DIP2C: variants seen among roughly 807,000 people sequenced by gnomAD.
The protein encoded by DIP2C is DIP2 acetate--CoA ligase C (putative), also known as disco-interacting protein 2 homolog C.
In DIP2C, 33 loss-of-function variants were observed where a neutral mutation model predicts 192.4. The ratio of observed to expected loss-of-function variants is 0.17; its 90% CI spans 0.13 to 0.23. The LOEUF (loss-of-function observed/expected upper bound fraction) is 0.23. Ranked by LOEUF, DIP2C falls within the 10% of genes least tolerant of loss-of-function variation. The pLI, the probability that DIP2C is intolerant of heterozygous loss-of-function variation, is 1.00. For synonymous variants in DIP2C, 979 were observed against 864.1 expected, an observed-to-expected ratio of 1.13 and a Z score of -2.33; for missense variants, 1,537 against 2,110.1, an observed-to-expected ratio of 0.73 and a Z score of 5.32.
At chr10:537,695 T>C (rs1401902534) in intron 1 of DIP2C, among the ~76,000 whole-genome samples, 1 of 152,148 alleles carries the variant, frequency 6.6e-6, no homozygotes, top group Admixed American at 6.5e-5. Context: ...AGACACAGGC[T>C]GGTAAGTCAA....
At chr10:447,744 G>A (rs1416416732) in intron 3 of DIP2C, among the ~76,000 whole-genome samples, 1 of 114,690 alleles carries the variant, frequency 8.7e-6, no homozygotes, top group Non-Finnish European at 1.6e-5. Context: ...ATCACACACA[G>A]TAGGGCAGCA....
At chr10:526,291 A>G (rs1265465217) in intron 1 of DIP2C, among the ~76,000 whole-genome samples, 1 of 152,220 alleles carries the variant, frequency 6.6e-6, no homozygotes, top group Non-Finnish European at 1.5e-5. Context: ...TTTCTATGCT[A>G]AATACTTGAA....
At chr10:315,689 G>A (rs1192498875) in intron 31 of DIP2C, among the ~76,000 whole-genome samples, 1 of 152,230 alleles carries the variant, frequency 6.6e-6, no homozygotes, top group South Asian at 2.1e-4. Flanking sequence ...GCCTGGAGTT[G>A]ACTGAGCTTC....
At position 446,160 on chromosome 10, in the gene DIP2C, T is replaced by A. The variant is rs958091711; in HGVS notation, c.269-5164A>T. Among the ~76,000 whole-genome samples the A allele has an allele frequency of 2.9e-5, 4 of 139,316 alleles. No individual in the cohort carries two copies. In the Admixed American group the frequency reaches 2.9e-4, roughly 10 times the overall value. The allele number at this position is 139,316 out of a possible 152,430, so 91.4% of individuals were successfully genotyped here. ...GAAGAGTCTCACCGTTCACTAGGCA[T>A]CTATATACATCTGTTGCAAAGAGTC... On this transcript the variant is annotated intron_variant, in intron 3 of 36. Coordinates refer to ENST00000280886, the MANE Select transcript of DIP2C (RefSeq NM_014974.3).
intron 1 of DIP2C, among the ~76,000 whole-genome samples, chr10:680,600 G>A (rs1831095677): frequency 2.6e-5 from 4 of 152,178 alleles, no homozygotes; most frequent in Admixed American, 2.6e-4. Context: ...TGGCCCACAC[G>A]GTCTAGTTTA....
intron 32 of DIP2C, among the ~76,000 whole-genome samples, chr10:306,180 CTG>C (rs1956312102): frequency 6.6e-6 from 1 of 151,828 alleles, no homozygotes; most frequent in Non-Finnish European, 1.5e-5. Context: ...ACATGTGGGA[CTG>C]TAATCTGTTC....
intron 1 of DIP2C, among the ~76,000 whole-genome samples, chr10:573,349 A>T (rs752804172): frequency 2.6e-5 from 4 of 152,220 alleles, no homozygotes; most frequent in Admixed American, 6.5e-5. Context: ...AGACAAACAT[A>T]ACTGGATTTA....
At chr10:389,219 T>G (rs1237407448) in intron 13 of DIP2C, among the ~76,000 whole-genome samples, 1 of 150,484 alleles carries the variant, frequency 6.6e-6, no homozygotes, top group Admixed American at 6.6e-5. Context: ...TCTCAAGGGG[T>G]CTCAAAGGGC....
In DIP2C at chr10:365,898, G is replaced by A. The variant is rs376157712; in HGVS notation, c.2268+377C>T. Among the ~76,000 whole-genome samples, 72 of 152,198 alleles carry A rather than the reference G, an allele frequency of 4.7e-4. No individual in the cohort carries two copies. In the South Asian group the frequency reaches 0.014, roughly 29 times the overall value. On this transcript the variant is annotated intron_variant, in intron 19 of 36. Coordinates refer to ENST00000280886, the MANE Select transcript of DIP2C (RefSeq NM_014974.3). Reference sequence around the variant, plus strand: ...AGTTGGCTTCCCCAGGCGAGGGTTCGTACCTGGCCACGTGTAGCCCAGGCC... The same window carrying A: ...AGTTGGCTTCCCCAGGCGAGGGTTCATACCTGGCCACGTGTAGCCCAGGCC...
At chr10:557,910 G>GGGCAGAGGCA (rs1848994846) in intron 1 of DIP2C, among the ~76,000 whole-genome samples, 1 of 115,314 alleles carries the variant, frequency 8.7e-6, no homozygotes, top group Non-Finnish European at 1.7e-5. Context: ...GCGGGGAAGG[G>GGGCAGAGGCA]GGCGGGGAAG....
At chr10:427,881 C>T (rs755187273) in intron 4 of DIP2C, among the ~76,000 whole-genome samples, 6 of 152,142 alleles carry the variant, frequency 3.9e-5, no homozygotes, top group East Asian at 1.9e-4. Flanking sequence ...CCTAAACTTA[C>T]AATAAGAGTC....
intron 1 of DIP2C, among the ~76,000 whole-genome samples, chr10:531,917 A>T (rs1293401426): frequency 1.3e-5 from 2 of 152,242 alleles, no homozygotes; most frequent in Admixed American, 1.3e-4. Flanking sequence ...CAAAATTTTT[A>T]AAATAAGTTT....
chr10:646,467 G>A (rs952959923), intron 1 of DIP2C, among the ~76,000 whole-genome samples: 19 of 152,200 alleles, frequency 1.2e-4, no homozygotes, highest in Non-Finnish European at 2.9e-5. Context: ...GACGGGTGGC[G>A]ACCGCACCAG....
At position 371,714 on chromosome 10, in the gene DIP2C, GA is replaced by G. The variant is rs1960985437; in HGVS notation, c.1992-2082del. ...GGGAGGCTGGGGTGAGGCCTGGGCT[GA>G]GCTGAGCAGCACCCGAGGGAGGCTG... On this transcript the variant is annotated intron_variant, in intron 17 of 36. Transcript: ENST00000280886. Among the ~76,000 whole-genome samples, 4 of 116,180 alleles carry G rather than the reference GA, an allele frequency of 3.4e-5. No homozygotes were observed. In the South Asian group the frequency reaches 8.4e-4, roughly 25 times the overall value. 76.2% of individuals were successfully genotyped at this position (116,180 alleles called of 152,430 possible). A position where few individuals can be genotyped will look rare whatever the true frequency, so the allele number is the denominator to read the frequency against.
chr10:681,247 C>T (rs376336636), intron 1 of DIP2C, among the ~76,000 whole-genome samples: 1 of 147,110 alleles, frequency 6.8e-6, no homozygotes, highest in Non-Finnish European at 1.5e-5. Flanking sequence ...AAACACAGAC[C>T]GCAGTCACAT....
intron 1 of DIP2C, among the ~76,000 whole-genome samples, chr10:546,603 G>A (rs376317919): frequency 9.5e-4 from 144 of 152,320 alleles, no homozygotes; most frequent in South Asian, 8.5e-3. Context: ...TGTCACAAGC[G>A]GCACTTCCAT....
At chr10:444,152 G>A (rs897918333) in intron 3 of DIP2C, among the ~76,000 whole-genome samples, 1 of 152,104 alleles carries the variant, frequency 6.6e-6, no homozygotes, top group African/African-American at 2.4e-5. Flanking sequence ...GTTCCCTCAA[G>A]AGACAGCCAC....
At chr10:360,039 A>G (rs1959255450) in intron 22 of DIP2C, among the ~76,000 whole-genome samples, 1 of 152,232 alleles carries the variant, frequency 6.6e-6, no homozygotes, top group South Asian at 2.1e-4. Flanking sequence ...AATGTTTTTA[A>G]GAATTCAGAC....
intron 1 of DIP2C, among the ~76,000 whole-genome samples, chr10:570,449 G>C (rs890526014): frequency 6.6e-6 from 1 of 152,154 alleles, no homozygotes; most frequent in African/African-American, 2.4e-5. Flanking sequence ...GGGTCTGCAT[G>C]AATTGCTACC....
Sources: gnomAD v4.1 joint callset for allele counts (sites outside exome capture counted in the v4.1 genomes callset) on GRCh38, gnomAD v4.1.1 for gene constraint, MANE v1.5 for transcripts, NCBI Gene and HGNC (gene_info 2026-07-23, HGNC 2026-07-21) for gene names.